The following AP1S1 variants were observed in gnomAD, a reference collection of about 807,000 sequenced individuals.
The protein encoded by AP1S1 is AP-1 complex subunit sigma-1A.
In AP1S1, 13 loss-of-function variants were observed where a neutral mutation model predicts 23.9. The observed-to-expected ratio is 0.54, with a 90% confidence interval of 0.35 to 0.86. AP1S1 has a LOEUF of 0.86. Ranked by LOEUF, AP1S1 falls within the 40% of genes least tolerant of loss-of-function variation. The pLI, the probability that AP1S1 is intolerant of heterozygous loss-of-function variation, is 0.01. For missense variants in AP1S1, 119 were observed against 197.6 expected, an observed-to-expected ratio of 0.60 and a Z score of 2.38; for synonymous variants, 84 against 77.7, an observed-to-expected ratio of 1.08 and a Z score of -0.43.
chr7:101,157,114 C>T (rs977871079), intron 2 of AP1S1, among the ~76,000 whole-genome samples: 4 of 152,062 alleles, frequency 2.6e-5, no homozygotes, highest in African/African-American at 9.7e-5. Context: ...TCCTTCTCCT[C>T]GGAGCAGGTA....
intron 3 of AP1S1, among the ~76,000 whole-genome samples, 200 bp downstream of exon 3, chr7:101,157,685 G>A (rs1428963960): frequency 3.3e-5 from 5 of 152,242 alleles, no homozygotes; most frequent in Non-Finnish European, 7.3e-5. Flanking sequence ...TGGGGAAACT[G>A]GGGGCAGGAT....
intron 4 of AP1S1, among the ~76,000 whole-genome samples, chr7:101,159,869 G>A (rs1470265182): frequency 6.6e-6 from 1 of 151,844 alleles, no homozygotes; most frequent in East Asian, 1.9e-4. Context: ...AGGAGGGGGA[G>A]AGATGGGGGG....
chr7:101,156,492 G>A, intron 1 of AP1S1, 102 bp from the exon 2 acceptor site: 1 of 1,377,582 alleles, frequency 7.3e-7, no homozygotes, highest in African/African-American at 1.4e-5. Context: ...CCAGCCTTGA[G>A]AGCAAGGGGC....
intron 1 of AP1S1, chr7:101,154,941 G>A: frequency 1.9e-6 from 2 of 1,060,922 alleles, no homozygotes; most frequent in Non-Finnish European, 2.3e-6. Flanking sequence ...CCCGGGTGGG[G>A]AGAGGGGTGT....
chr7:101,160,187 C>G, intron 4 of AP1S1, among the ~76,000 whole-genome samples: 1 of 151,958 alleles, frequency 6.6e-6, no homozygotes, highest in East Asian at 1.9e-4. Flanking sequence ...GAAAGATCCC[C>G]CACCTCCTTG....
chr7:101,154,892 C>T (rs987177798), intron 1 of AP1S1: 1 of 997,618 alleles, frequency 1.0e-6, no homozygotes, highest in Non-Finnish European at 1.2e-6. Context: ...CACCAGTCAC[C>T]GAGACCCCCT....
Position 101,160,654 on chromosome 7 carries a change from GGGACTCGGCTGC to G in AP1S1, c.*89_*100del, listed in dbSNP as rs1797084616. 2.7e-6 allele frequency: 4 copies of G among 1,496,306 alleles called. No individual in the cohort carries two copies. Among genetic ancestry groups the G allele is most frequent in the Admixed American group, 1.7e-5 (1 of 58,090 alleles). 92.7% of individuals were successfully genotyped at this position (1,496,306 alleles called of 1,614,324 possible). On this transcript the variant is annotated 3_prime_UTR_variant, in exon 5 of 5. Coordinates refer to ENST00000337619, the MANE Select transcript of AP1S1 (RefSeq NM_001283.5). ...CTCTGCCCAGGGCCCTGTTCTTGGT[GGGACTCGGCTGC>G]CCCTCCTCTGCTGCCTCACCTTTCG... is the stretch of plus-strand genomic sequence containing the variant.
At chr7:101,157,620 A>C in intron 3 of AP1S1, 135 bp downstream of exon 3, 1 of 703,856 alleles carries the variant, frequency 1.4e-6, no homozygotes, top group Non-Finnish European at 2.5e-6. Context: ...AACAGTAATT[A>C]ATTTCCCTTT....
Position 101,160,497 on chromosome 7 carries a change from CCT to C in AP1S1, c.430-19_430-18del, listed in dbSNP as rs752290416. On this transcript the variant is annotated intron_variant, in intron 4 of 4. Coordinates refer to ENST00000337619, the MANE Select transcript of AP1S1 (RefSeq NM_001283.5). ...GCCTCTCCTGGTGTCTCTGCGTCAC[CCT>C]CTGTCTGTCTCTGCCTTAGGAGGAT... 26 of 1,610,060 alleles carry C rather than the reference CCT, an allele frequency of 1.6e-5. No individual in the cohort carries two copies. Among genetic ancestry groups the C allele is most frequent in the Admixed American group, 5.0e-5 (3 of 59,998 alleles).
At chr7:101,159,240 G>T in intron 4 of AP1S1, 44 bp downstream of exon 4, 1 of 1,571,896 alleles carries the variant, frequency 6.4e-7, no homozygotes, top group Non-Finnish European at 8.6e-7. Context: ...GCGCACAGTG[G>T]CGGACAGGGT....
intron 3 of AP1S1, among the ~76,000 whole-genome samples, chr7:101,157,963 T>G (rs1268442171): frequency 6.6e-6 from 1 of 152,048 alleles, no homozygotes; most frequent in Non-Finnish European, 1.5e-5. Context: ...TTTTTGTATT[T>G]TTTTTTTTAA....
intron 1 of AP1S1, chr7:101,154,830 G>C (rs565459070): frequency 8.2e-6 from 4 of 487,164 alleles, no homozygotes; most frequent in Non-Finnish European, 1.1e-5. Context: ...CAGGGAAGCC[G>C]CCCGAAGCAG....
chr7:101,154,506 G>A lies in AP1S1; in HGVS notation c.-9G>A, dbSNP rs1488490990. 6.4e-7 allele frequency: 1 copy of A among 1,574,012 alleles called. No individual in the cohort carries two copies. Among genetic ancestry groups the A allele is most frequent in the Non-Finnish European group, 8.6e-7 (1 of 1,160,470 alleles). On this transcript the variant is annotated 5_prime_UTR_variant, in exon 1 of 5. Coordinates refer to ENST00000337619, the MANE Select transcript of AP1S1 (RefSeq NM_001283.5). ...CCGAAGTGGGACGCGCCGAGCCGGA[G>A]GCTGCAGGATGGTAGGCTGTGCGAA...
chr7:101,154,878 G>C (rs369694484), intron 1 of AP1S1: 2 of 958,834 alleles, frequency 2.1e-6, no homozygotes, highest in Non-Finnish European at 2.7e-6. Flanking sequence ...GAGGGAGCGG[G>C]GGTCACCAGT....
chr7:101,154,645 C>T, intron 1 of AP1S1, 128 bp downstream of exon 1: 1 of 1,221,068 alleles, frequency 8.2e-7, no homozygotes. Context: ...CCTCCCTTGC[C>T]TCGGCGGGTG....
At chr7:101,160,449 C>T in intron 4 of AP1S1, 70 bp from the exon 5 acceptor site, 2 of 1,560,426 alleles carry the variant, frequency 1.3e-6, no homozygotes, top group South Asian at 2.2e-5. Context: ...TTCCTCGTGA[C>T]TGCTGTCTTG....
intron 2 of AP1S1, 108 bp downstream of exon 2, chr7:101,156,880 C>A: frequency 7.5e-5 from 64 of 855,174 alleles, no homozygotes; most frequent in Middle Eastern, 3.2e-4. Flanking sequence ...GAGCTGAGGA[C>A]ATCTGGAGGA....
At position 101,160,743 on chromosome 7, in the gene AP1S1, C is replaced by A; in HGVS notation, c.*177C>A. 1 of 765,690 alleles carries A rather than the reference C, an allele frequency of 1.3e-6. No individual in the cohort carries two copies. The highest frequency in any genetic ancestry group is 2.3e-6 in the Non-Finnish European group (1 of 443,602). 47.4% of individuals were successfully genotyped at this position (765,690 alleles called of 1,614,324 possible). On this transcript the variant is annotated 3_prime_UTR_variant, in exon 5 of 5. Coordinates refer to ENST00000337619, the MANE Select transcript of AP1S1 (RefSeq NM_001283.5). ...AAACATTCCCTCCCTCCACCCCCTA[C>A]CTCCACTTTCCCCTTTTCCCACTGA...
At chr7:101,155,074 G>C in intron 1 of AP1S1, 9 of 975,638 alleles carry the variant, frequency 9.2e-6, no homozygotes, top group Non-Finnish European at 1.1e-5. Context: ...AGGGACCCAG[G>C]CTTTGGGATC....
Sources: gnomAD v4.1 joint callset for allele counts (sites outside exome capture counted in the v4.1 genomes callset) on GRCh38, gnomAD v4.1.1 for gene constraint, MANE v1.5 for transcripts, NCBI Gene and HGNC (gene_info 2026-07-23, HGNC 2026-07-21) for gene names.